The following PHLDB1 variants were observed in gnomAD, a reference collection of about 807,000 sequenced individuals.
PHLDB1 encodes pleckstrin homology-like domain family B member 1.
PHLDB1 carries 65 observed loss-of-function variants against 139.3 expected under a neutral mutation model. The observed-to-expected ratio is 0.47, with a 90% CI of 0.38 to 0.57. PHLDB1 has a LOEUF of 0.57. Among genes scored for constraint, PHLDB1 ranks in the 20% least tolerant of loss-of-function variants. The pLI is 0.00. For synonymous variants in PHLDB1, 679 were observed against 734.5 expected (o/e 0.92, Z 1.22); for missense variants, 1,624 against 1,839.7 (o/e 0.88, Z 2.14).
At chr11:118,634,794 A>C (rs1555113781) in intron 9 of PHLDB1, 1 of 222,708 alleles carries the variant, frequency 4.5e-6, no homozygotes, top group Non-Finnish European at 9.6e-6. Context: ...CCCATTGCCG[A>C]CCCCCATTCT....
intron 20 of PHLDB1, chr11:118,654,759 C>T (rs1948810839): frequency 9.9e-6 from 1 of 100,598 alleles, no homozygotes; most frequent in African/African-American, 4.0e-5. Context: ...CTCTTTTTGC[C>T]CAGGCTGAAG....
chr11:118,626,509 G>A (rs1406380297), intron 5 of PHLDB1, among the ~76,000 whole-genome samples: 6 of 151,912 alleles, frequency 3.9e-5, no homozygotes, highest in South Asian at 2.1e-4. Context: ...TCAGCCTCCC[G>A]AGTAGCTGGG....
At chr11:118,642,476 A>G in intron 13 of PHLDB1, 82 bp downstream of exon 13, 1 of 1,472,212 alleles carries the variant, frequency 6.8e-7, no homozygotes, top group Non-Finnish European at 9.3e-7. Context: ...TCAGCCACAC[A>G]GTACCACCTT....
At chr11:118,618,647 AT>A (rs1180716286) in intron 4 of PHLDB1, among the ~76,000 whole-genome samples, 2 of 151,942 alleles carry the variant, frequency 1.3e-5, no homozygotes, top group Non-Finnish European at 2.9e-5. Context: ...CTATGTGTAT[AT>A]GAGACCCCAC....
intron 20 of PHLDB1, chr11:118,653,727 T>C (rs1267051738): frequency 1.3e-5 from 2 of 152,188 alleles, no homozygotes; most frequent in Admixed American, 1.3e-4. Flanking sequence ...GTACCTACTG[T>C]GTGCCAGGCA....
intron 2 of PHLDB1, 66 bp downstream of exon 2, chr11:118,613,962 C>A: frequency 2.0e-6 from 2 of 1,016,616 alleles, no homozygotes; most frequent in East Asian, 2.5e-5. Flanking sequence ...CTTCTACCCC[C>A]TTGTGGTCCC....
Position 118,610,224 on chromosome 11 carries a change from A to C in PHLDB1, c.-22+2525A>C. ...TAGTCTGCCTTTCATTTTCCCCTTC[A>C]CATCCCGGTGGCTCCCCTTCCCCGC... is the stretch of plus-strand genomic sequence containing the variant. On this transcript the variant is annotated intron_variant, in intron 1 of 22. Coordinates refer to ENST00000600882, the MANE Select transcript of PHLDB1 (RefSeq NM_001144758.3). The surrounding 1 kb of genome is among the most constrained non-coding windows in gnomAD (Gnocchi z 8.7). 7.0e-6 allele frequency among the ~76,000 whole-genome samples: 1 copy of C among 142,162 alleles called. No homozygotes were observed. 93.3% of individuals were successfully genotyped at this position (142,162 alleles called of 152,430 possible).
rs781837836 is a variant in PHLDB1 at position 118,645,745 on chromosome 11, C to T, written c.3427C>T (p.Leu1143=). The part of the protein sequence containing the change: ...SPDNMSSASG[L]DMGKIEEMEK... ...CCCTTCTCTCCCCAGCGCGAGTGGT[C>T]TGGACATGGGGAAGATCGAGGAGAT... Residue 1143 remains leucine (L), a synonymous_variant, in exon 17 of 23, where the codon CTG becomes TTG. Coordinates refer to ENST00000600882, the MANE Select transcript of PHLDB1 (RefSeq NM_001144758.3). This position sits in a 1 kb window ranked among gnomAD's most constrained non-coding sequence, Gnocchi z 5.1. The T allele has an allele frequency of 6.2e-7, 1 of 1,613,652 alleles. No individual in the cohort carries two copies. Among genetic ancestry groups the T allele is most frequent in the South Asian group, 1.1e-5 (1 of 91,078 alleles).
Position 118,625,064 on chromosome 11 carries a change from G to C in PHLDB1, c.481+5G>C. The stretch of plus-strand genomic sequence containing the variant: ...CCCCCTACAGCCCTGTTCCTGGTAG[G>C]TACCGACGGGGGCAGGGTGCTGGGT... On this transcript the variant is annotated splice_donor_5th_base_variant and intron_variant, in intron 5 of 22. Coordinates refer to ENST00000600882, the MANE Select transcript of PHLDB1 (RefSeq NM_001144758.3). The C allele has an allele frequency of 6.3e-7, 1 of 1,595,428 alleles. No individual in the cohort carries two copies. Among genetic ancestry groups the C allele is most frequent in the Non-Finnish European group, 8.5e-7 (1 of 1,171,930 alleles).
intron 1 of PHLDB1, 135 bp downstream of exon 1, chr11:118,607,834 G>C (rs1939416718): frequency 6.6e-6 from 1 of 152,476 alleles, no homozygotes; most frequent in Admixed American, 6.5e-5. Flanking sequence ...GAAACCCGTG[G>C]GGGAGAGAGG....
chr11:118,656,746 C>G lies in PHLDB1; in HGVS notation c.4057C>G (p.Pro1353Ala), dbSNP rs1187757983. Reference sequence around the variant, plus strand: ...TGACCGGCTGTACTACATGGTGGCCCCATCTGCAGAGGCCATGCGTATCTG... The same window carrying G: ...TGACCGGCTGTACTACATGGTGGCCGCATCTGCAGAGGCCATGCGTATCTG... Reference protein sequence around the residue: ...THDRLYYMVAPSAEAMRIWMD... With the variant: ...THDRLYYMVAASAEAMRIWMD... The change falls in exon 23 of 23, where the codon CCA (proline) becomes GCA (alanine). Residue 1353 changes from proline (P) to alanine (A), a missense_variant. Physicochemically the swap from Pro to Ala is conservative, Grantham distance 27 (BLOSUM62 -1). Transcript: ENST00000600882. The G allele has an allele frequency of 1.2e-6, 2 of 1,613,418 alleles. No homozygotes were observed. Among genetic ancestry groups the G allele is most frequent in the East Asian group, 2.2e-5 (1 of 44,872 alleles).
At chr11:118,613,962 C>G in intron 2 of PHLDB1, 66 bp downstream of exon 2, 15 of 1,016,616 alleles carry the variant, frequency 1.5e-5, no homozygotes, top group Non-Finnish European at 2.1e-5. Context: ...CTTCTACCCC[C>G]TTGTGGTCCC....
Position 118,647,639 on chromosome 11 carries a change from G to A in PHLDB1, c.3508-291G>A, listed in dbSNP as rs538282888. The A allele has an allele frequency of 3.9e-5, 9 of 231,902 alleles. No individual in the cohort carries two copies. In the East Asian group the frequency reaches 8.0e-4, roughly 21 times the overall value. The allele number at this position is 231,902 out of a possible 1,614,324, so 14.4% of individuals were successfully genotyped here. On this transcript the variant is annotated intron_variant, in intron 17 of 22. Transcript: ENST00000600882. ...TGAGGCAGGAGAATCACTTGAACCT[G>A]GGAGGCGAAGGTTGCAGTGAGCGAG... is the stretch of plus-strand genomic sequence containing the variant.
chr11:118,624,811 C>A, intron 4 of PHLDB1, 123 bp from the exon 5 acceptor site: 1 of 926,232 alleles, frequency 1.1e-6, no homozygotes, highest in Non-Finnish European at 1.7e-6. Context: ...GACTTCACCA[C>A]ATTGGCCAGG....
In PHLDB1 at chr11:118,616,087, C is replaced by T; in HGVS notation, c.231C>T (p.Gly77=). 6.2e-7 allele frequency: 1 copy of T among 1,614,016 alleles called. No homozygotes were observed. The highest frequency in any genetic ancestry group is 2.2e-5 in the East Asian group (1 of 44,888). The change falls in exon 4 of 23, where the codon GGC becomes GGT. Residue 77 remains glycine (G), a synonymous_variant. Transcript: ENST00000600882. ...GSAARDISLQ[G]PGLAPEHCYI... ...CAGCCAGAGACATCTCACTACAGGG[C>T]CCAGGCCTGGCTCCAGAGCACTGCT...
At chr11:118,651,824 T>C (rs1344139298) in intron 20 of PHLDB1, 2 of 151,168 alleles carry the variant, frequency 1.3e-5, no homozygotes, top group African/African-American at 4.9e-5. Context: ...GGCTTACAAG[T>C]ACTAGGCTTC....
Position 118,611,834 on chromosome 11 carries a change from A to T in PHLDB1, c.-21-1982A>T, listed in dbSNP as rs1207676802. On this transcript the variant is annotated intron_variant, in intron 1 of 22. Coordinates refer to ENST00000600882, the MANE Select transcript of PHLDB1 (RefSeq NM_001144758.3). The surrounding 1 kb of genome is among the most constrained non-coding windows in gnomAD (Gnocchi z 4.7). The stretch of plus-strand genomic sequence containing the variant: ...ACTCCGTCTCAAAAAAAAAAAAAAA[A>T]TAATAATAATAATAATAAATGGCAT... Among the ~76,000 whole-genome samples the T allele has an allele frequency of 2.0e-5, 3 of 146,458 alleles. No individual in the cohort carries two copies. The highest frequency in any genetic ancestry group is 7.5e-5 in the African/African-American group (3 of 39,856).
At chr11:118,642,063 C>A in intron 12 of PHLDB1, 191 bp from the exon 13 acceptor site, 4 of 627,724 alleles carry the variant, frequency 6.4e-6, no homozygotes, top group African/African-American at 1.8e-5. Flanking sequence ...TTCTCCCTTC[C>A]TTCCTCCCCT....
In PHLDB1 at chr11:118,620,259, G is replaced by A. The variant is rs1942502410; in HGVS notation, c.355+4048G>A. Among the ~76,000 whole-genome samples the A allele has an allele frequency of 6.6e-6, 1 of 152,190 alleles. No individual in the cohort carries two copies. Among genetic ancestry groups the A allele is most frequent in the Non-Finnish European group, 1.5e-5 (1 of 68,030 alleles). On this transcript the variant is annotated intron_variant, in intron 4 of 22. Coordinates refer to ENST00000600882, the MANE Select transcript of PHLDB1 (RefSeq NM_001144758.3). The surrounding 1 kb of genome is among the most constrained non-coding windows in gnomAD (Gnocchi z 4.1). Reference sequence around the variant, plus strand: ...TGTAATCCCAACACTTTGGGAGGCCGAGGCGGGCAGATCACCTGAGGTCGG... The same window carrying A: ...TGTAATCCCAACACTTTGGGAGGCCAAGGCGGGCAGATCACCTGAGGTCGG...
Sources: gnomAD v4.1 joint callset for allele counts (sites outside exome capture counted in the v4.1 genomes callset) on GRCh38, gnomAD v4.1.1 for gene constraint, Gnocchi (gnomAD v3.1) non-coding constraint, MANE v1.5 for transcripts, NCBI Gene and HGNC (gene_info 2026-07-23, HGNC 2026-07-21) for gene names.